The following NPAS2 variants were observed in gnomAD, a reference collection of about 807,000 sequenced individuals.
The protein encoded by NPAS2 is neuronal PAS domain protein 2.
In NPAS2, 23 loss-of-function variants were observed where a neutral mutation model predicts 107.5. That is an observed-to-expected ratio of 0.21 (90% confidence interval 0.15 to 0.30). The LOEUF is 0.30. Among genes scored for constraint, NPAS2 ranks in the 10% least tolerant of loss-of-function variants. The pLI, the probability that NPAS2 is intolerant of heterozygous loss-of-function variation, is 1.00. For missense variants in NPAS2, 756 were observed against 1,043.3 expected, an observed-to-expected ratio of 0.72 and a Z score of 3.79; for synonymous variants, 403 against 417.5, an observed-to-expected ratio of 0.97 and a Z score of 0.42.
intron 1 of NPAS2, among the ~76,000 whole-genome samples, chr2:100,893,208 A>G (rs1369001920): frequency 6.6e-6 from 1 of 152,210 alleles, no homozygotes; most frequent in African/African-American, 2.4e-5. Context: ...AGGAAAAATC[A>G]TTACCAAGCT....
intron 1 of NPAS2, among the ~76,000 whole-genome samples, chr2:100,846,451 G>T (rs540886785): frequency 4.6e-5 from 7 of 152,252 alleles, no homozygotes; most frequent in African/African-American, 1.7e-4. Context: ...GTGTTTGTAC[G>T]TTTAAATTAA....
chr2:100,913,950 C>A (rs1425642035), intron 2 of NPAS2, among the ~76,000 whole-genome samples: 1 of 152,182 alleles, frequency 6.6e-6, no homozygotes, highest in Non-Finnish European at 1.5e-5. Flanking sequence ...CTCAGAAGGA[C>A]CTGATCCCCA....
At chr2:100,991,160 C>T (rs1678105794) in intron 19 of NPAS2, among the ~76,000 whole-genome samples, 1 of 152,210 alleles carries the variant, frequency 6.6e-6, no homozygotes, top group African/African-American at 2.4e-5. Context: ...GTAAAGCCCT[C>T]TAAAGCCCTC....
At chr2:100,904,881 G>A (rs1353871533) in intron 2 of NPAS2, 95 bp downstream of exon 2, 2 of 852,114 alleles carry the variant, frequency 2.3e-6, no homozygotes, top group Middle Eastern at 2.8e-4. Context: ...TGCAGGTGAG[G>A]CCACCAGCAA....
chr2:100,989,423 G>T (rs188094299), intron 17 of NPAS2: 3 of 152,300 alleles, frequency 2.0e-5, no homozygotes, highest in Admixed American at 2.0e-4. Context: ...ACAGCCTTTT[G>T]ATTTAAAAGG....
chr2:100,833,830 G>A (rs560332661), intron 1 of NPAS2, among the ~76,000 whole-genome samples: 3 of 152,256 alleles, frequency 2.0e-5, no homozygotes, highest in South Asian at 4.1e-4. Flanking sequence ...GCAGAATGGA[G>A]GCTCAGCTCC....
At chr2:100,860,823 G>A (rs1365015668) in intron 1 of NPAS2, among the ~76,000 whole-genome samples, 3 of 151,922 alleles carry the variant, frequency 2.0e-5, no homozygotes, top group Non-Finnish European at 4.4e-5. Flanking sequence ...GGCTCATTCT[G>A]TACTTTCCTT....
At chr2:100,870,101 G>A (rs553930703) in intron 1 of NPAS2, among the ~76,000 whole-genome samples, 6 of 151,912 alleles carry the variant, frequency 3.9e-5, no homozygotes, top group African/African-American at 9.6e-5. Context: ...GGGTTTCACC[G>A]TGTTAGCCAG....
intron 2 of NPAS2, among the ~76,000 whole-genome samples, chr2:100,922,139 G>A (rs1206710490): frequency 1.3e-5 from 2 of 152,154 alleles, no homozygotes; most frequent in Non-Finnish European, 2.9e-5. Flanking sequence ...GCTGGGGGTG[G>A]GCGGATCAAT....
At chr2:100,956,607 A>T (rs1275944555) in intron 7 of NPAS2, among the ~76,000 whole-genome samples, 1 of 152,138 alleles carries the variant, frequency 6.6e-6, no homozygotes, top group Non-Finnish European at 1.5e-5. Flanking sequence ...TCCTCTGATC[A>T]ACTGAGTTGG....
intron 1 of NPAS2, among the ~76,000 whole-genome samples, chr2:100,898,699 T>C (rs1366151577): frequency 6.6e-6 from 1 of 151,952 alleles, no homozygotes; most frequent in African/African-American, 2.4e-5. Flanking sequence ...ATTATATATC[T>C]AAGTCCAAAA....
intron 1 of NPAS2, among the ~76,000 whole-genome samples, chr2:100,888,571 C>A (rs1254948523): frequency 6.6e-6 from 1 of 152,110 alleles, no homozygotes; most frequent in South Asian, 2.1e-4. Context: ...TTATTCTTTG[C>A]TGAAATATTG....
intron 1 of NPAS2, among the ~76,000 whole-genome samples, chr2:100,894,970 G>T (rs2104718000): frequency 6.6e-6 from 1 of 152,310 alleles, no homozygotes; most frequent in South Asian, 2.1e-4. Context: ...CAGTCTTGTT[G>T]GCAAGGTGCC....
In NPAS2 at chr2:100,974,898, A is replaced by C; in HGVS notation, c.1236A>C (p.Ser412=). The change falls in exon 13 of 21, where the codon TCA becomes TCC. Residue 412 remains serine, a synonymous_variant. Coordinates refer to ENST00000335681, the MANE Select transcript of NPAS2 (RefSeq NM_002518.4). The part of the protein sequence containing the change: ...LNTSHSPSAS[S]RSSHKSSHTA... ...CCAGTCATTCGCCATCGGCGTCCTCAAGAAGTTCCCACAAATCCTCGCACA... is the reference window on the plus strand; with the variant it reads ...CCAGTCATTCGCCATCGGCGTCCTCCAGAAGTTCCCACAAATCCTCGCACA... 1 of 1,613,994 alleles carries C rather than the reference A, an allele frequency of 6.2e-7. No individual in the cohort carries two copies. Among genetic ancestry groups the C allele is most frequent in the Non-Finnish European group, 8.5e-7 (1 of 1,179,948 alleles).
rs146302979 is a variant in NPAS2 at position 100,822,958 on chromosome 2, G to A, written c.-23+2544G>A. Among the ~76,000 whole-genome samples, 467 of 152,266 alleles carry A rather than the reference G, an allele frequency of 3.1e-3. 3 individuals are homozygous for A. The highest frequency in any genetic ancestry group is 0.011 in the African/African-American group (449 of 41,566). ...TGGTGCATTATTTGCTTACAGAAGT[G>A]TCTGATTAGCATGTTCCTGATCCTC... On this transcript the variant is annotated intron_variant, in intron 1 of 20. Transcript: ENST00000335681.
chr2:100,964,855 A>T lies in NPAS2; in HGVS notation c.718-6A>T, dbSNP rs765055421. ...AACTTTTTTTTTTTTTCTGCTTCCA[A>T]TACAGGAAATGTGCATAGTTGACGA... On this transcript the variant is annotated splice_region_variant and splice_polypyrimidine_tract_variant and intron_variant, in intron 8 of 20. Coordinates refer to ENST00000335681, the MANE Select transcript of NPAS2 (RefSeq NM_002518.4). 2 of 1,570,498 alleles carry T rather than the reference A, an allele frequency of 1.3e-6. No individual in the cohort carries two copies. The highest frequency in any genetic ancestry group is 2.4e-5 in the South Asian group (2 of 82,918).
At chr2:100,824,001 A>C (rs1043756530) in intron 1 of NPAS2, among the ~76,000 whole-genome samples, 1 of 152,210 alleles carries the variant, frequency 6.6e-6, no homozygotes, top group Non-Finnish European at 1.5e-5. Flanking sequence ...TGAGACTCAG[A>C]GTCCTTGTCA....
chr2:100,890,030 G>C (rs1680950126), intron 1 of NPAS2, among the ~76,000 whole-genome samples: 1 of 152,092 alleles, frequency 6.6e-6, no homozygotes, highest in African/African-American at 2.4e-5. Flanking sequence ...CCCTCCTCCT[G>C]GCAGCGTGCA....
chr2:100,891,947 G>C (rs983406481), intron 1 of NPAS2, among the ~76,000 whole-genome samples: 1 of 152,090 alleles, frequency 6.6e-6, no homozygotes, highest in African/African-American at 2.4e-5. Context: ...GCCGAACAGC[G>C]GTTTCCAACA....
Sources: allele counts gnomAD v4.1 joint callset (sites outside exome capture counted in the v4.1 genomes callset), GRCh38; gene constraint gnomAD v4.1.1; transcripts MANE v1.5; gene names NCBI Gene and HGNC (gene_info 2026-07-23, HGNC 2026-07-21).